Variants in KCNIP4 observed in about 807,000 individuals in gnomAD.
KCNIP4 encodes the protein potassium voltage-gated channel interacting protein 4.
In KCNIP4, 12 loss-of-function variants were observed where a neutral mutation model predicts 34.0. The observed-to-expected ratio is 0.35, with a 90% confidence interval of 0.23 to 0.57. KCNIP4 has a LOEUF of 0.57. KCNIP4 is among the 20% of genes least tolerant of loss of function. The pLI is 0.83. For missense variants in KCNIP4, 238 were observed against 311.7 expected, an observed-to-expected ratio of 0.76 and a Z score of 1.78; for synonymous variants, 124 against 102.2, an observed-to-expected ratio of 1.21 and a Z score of -1.29.
chr4:21,814,116 G>C (rs891474216), intron 1 of KCNIP4, among the ~76,000 whole-genome samples: 1 of 151,954 alleles, frequency 6.6e-6, no homozygotes, highest in East Asian at 1.9e-4. Context: ...TCAGGTTTTC[G>C]AGGTCACACT....
At chr4:20,846,450 T>A (rs1720387401) in intron 3 of KCNIP4, among the ~76,000 whole-genome samples, 1 of 152,202 alleles carries the variant, frequency 6.6e-6, no homozygotes, top group African/African-American at 2.4e-5. Flanking sequence ...AAAGCAAGAT[T>A]ATGAAACATA....
intron 1 of KCNIP4, among the ~76,000 whole-genome samples, chr4:21,702,923 C>T (rs1712971193): frequency 6.6e-6 from 1 of 151,800 alleles, no homozygotes; most frequent in Admixed American, 6.6e-5. Context: ...AGAGTTCATT[C>T]CAGGGATGCA....
At chr4:21,499,425 T>C (rs990956417) in intron 1 of KCNIP4, among the ~76,000 whole-genome samples, 1 of 152,042 alleles carries the variant, frequency 6.6e-6, no homozygotes, top group Non-Finnish European at 1.5e-5. Context: ...ATACTACATA[T>C]GCATTGATTA....
chr4:21,099,360 G>A (rs1027941010), intron 1 of KCNIP4, among the ~76,000 whole-genome samples: 1 of 152,146 alleles, frequency 6.6e-6, no homozygotes, highest in African/African-American at 2.4e-5. Context: ...ACTAATGCAG[G>A]AACAGAAAAC....
intron 1 of KCNIP4, among the ~76,000 whole-genome samples, chr4:21,437,447 G>A (rs369418541): frequency 2.0e-5 from 3 of 152,106 alleles, no homozygotes; most frequent in African/African-American, 4.8e-5. Context: ...CCTTGAACTC[G>A]CCATGCAGCT....
At chr4:21,600,199 T>G (rs1039930163) in intron 1 of KCNIP4, among the ~76,000 whole-genome samples, 2 of 152,080 alleles carry the variant, frequency 1.3e-5, no homozygotes, top group Non-Finnish European at 2.9e-5. Context: ...AAAACTTTCA[T>G]GCTGAGCCAA....
chr4:21,878,206 G>A (rs1449026189), intron 1 of KCNIP4, among the ~76,000 whole-genome samples: 1 of 152,116 alleles, frequency 6.6e-6, no homozygotes, highest in African/African-American at 2.4e-5. Context: ...CACCCAAGTA[G>A]CTGGGATTAC....
At chr4:21,142,629 T>G (rs145854270) in intron 1 of KCNIP4, among the ~76,000 whole-genome samples, 5 of 152,062 alleles carry the variant, frequency 3.3e-5, no homozygotes, top group Non-Finnish European at 7.4e-5. Context: ...GAGGTCAGAG[T>G]TGCTATCTTC....
At chr4:21,423,736 A>T (rs972254662) in intron 1 of KCNIP4, among the ~76,000 whole-genome samples, 4 of 152,140 alleles carry the variant, frequency 2.6e-5, no homozygotes, top group Non-Finnish European at 5.9e-5. Flanking sequence ...AGACAAAACC[A>T]TGCTACCAGC....
chr4:20,878,189 C>A (rs1486011692), intron 2 of KCNIP4, among the ~76,000 whole-genome samples: 4 of 152,072 alleles, frequency 2.6e-5, no homozygotes, highest in African/African-American at 9.7e-5. Context: ...ATGTACCTAC[C>A]TCAGAAGGTG....
At chr4:20,926,944 T>C (rs1380215275) in intron 1 of KCNIP4, among the ~76,000 whole-genome samples, 1 of 152,212 alleles carries the variant, frequency 6.6e-6, no homozygotes, top group African/African-American at 2.4e-5. Context: ...ACAATTAGTA[T>C]CATGAAATCT....
intron 1 of KCNIP4, among the ~76,000 whole-genome samples, chr4:21,685,925 G>A (rs1225678225): frequency 6.6e-6 from 1 of 152,230 alleles, no homozygotes; most frequent in East Asian, 1.9e-4. Flanking sequence ...GCACTTGGCT[G>A]TATAGTTTCC....
intron 5 of KCNIP4, among the ~76,000 whole-genome samples, chr4:20,743,603 T>G (rs1751698640): frequency 1.3e-5 from 2 of 152,098 alleles, no homozygotes; most frequent in African/African-American, 2.4e-5. Flanking sequence ...TCCTTACACT[T>G]TATACAAAAA....
intron 1 of KCNIP4, among the ~76,000 whole-genome samples, chr4:21,099,438 A>T (rs1747749238): frequency 6.6e-6 from 1 of 152,064 alleles, no homozygotes. Flanking sequence ...CATCGGGGGG[A>T]ACAACACACA....
chr4:21,059,789 A>G (rs1318297447), intron 1 of KCNIP4, among the ~76,000 whole-genome samples: 1 of 152,142 alleles, frequency 6.6e-6, no homozygotes, highest in Non-Finnish European at 1.5e-5. Flanking sequence ...ATCTCTTTTC[A>G]TTTCATTCAT....
At chr4:20,770,751 T>A (rs1363901619) in intron 3 of KCNIP4, among the ~76,000 whole-genome samples, 1 of 152,072 alleles carries the variant, frequency 6.6e-6, no homozygotes, top group Non-Finnish European at 1.5e-5. Flanking sequence ...CTGGCCAACA[T>A]GGTGAAACCC....
intron 1 of KCNIP4, among the ~76,000 whole-genome samples, chr4:21,209,060 A>G (rs1033884083): frequency 6.6e-6 from 1 of 152,162 alleles, no homozygotes; most frequent in African/African-American, 2.4e-5. Context: ...GGAGATTACA[A>G]TTCAAGATGA....
intron 1 of KCNIP4, among the ~76,000 whole-genome samples, chr4:21,728,257 T>C (rs1715339168): frequency 6.6e-6 from 1 of 152,156 alleles, no homozygotes; most frequent in Non-Finnish European, 1.5e-5. Flanking sequence ...TCAACTCTGT[T>C]CCATAAAGTC....
At chr4:21,523,150 T>C (rs1735685778) in intron 1 of KCNIP4, among the ~76,000 whole-genome samples, 2 of 152,152 alleles carry the variant, frequency 1.3e-5, no homozygotes, top group Non-Finnish European at 2.9e-5. Context: ...CAGTTTGATC[T>C]TGAACTTCCC....
Sources: gnomAD v4.1 joint callset for allele counts (sites outside exome capture counted in the v4.1 genomes callset) on GRCh38, gnomAD v4.1.1 for gene constraint, MANE v1.5 for transcripts, NCBI Gene and HGNC (gene_info 2026-07-23, HGNC 2026-07-21) for gene names.